Variants in TNKS observed in about 807,000 individuals in gnomAD.
The protein encoded by TNKS is tankyrase.
TNKS carries 72 observed loss-of-function variants against 135.8 expected under a neutral mutation model. That is an observed-to-expected ratio of 0.53 (90% CI 0.44 to 0.64). The LOEUF is 0.64. TNKS is among the 30% of genes least tolerant of loss of function. TNKS has a pLI of 0.00. For missense variants in TNKS, 1,769 were observed against 1,674.0 expected, an observed-to-expected ratio of 1.06 and a Z score of -0.99; for synonymous variants, 849 against 649.3, an observed-to-expected ratio of 1.31 and a Z score of -4.68.
intron 12 of TNKS, among the ~76,000 whole-genome samples, chr8:9,721,440 A>T (rs549671483): frequency 2.0e-5 from 3 of 151,874 alleles, no homozygotes; most frequent in Non-Finnish European, 4.4e-5. Context: ...AATGCAGTCT[A>T]CCTACTGACA....
chr8:9,657,846 G>A (rs1439398373), intron 3 of TNKS, among the ~76,000 whole-genome samples: 1 of 142,384 alleles, frequency 7.0e-6, no homozygotes, highest in Non-Finnish European at 1.6e-5. Context: ...TTCTCAGACG[G>A]GGCAGCTGCC....
chr8:9,606,178 A>G (rs1219727031), intron 2 of TNKS, among the ~76,000 whole-genome samples: 3 of 111,656 alleles, frequency 2.7e-5, no homozygotes, highest in African/African-American at 1.1e-4. Context: ...TTTTCTATAT[A>G]GAGAATCCGT....
chr8:9,667,773 C>T (rs750843026), intron 3 of TNKS, among the ~76,000 whole-genome samples: 1 of 150,142 alleles, frequency 6.7e-6, no homozygotes, highest in Non-Finnish European at 1.5e-5. Flanking sequence ...AAATCTCTTA[C>T]TGTGTTAGAT....
intron 3 of TNKS, among the ~76,000 whole-genome samples, chr8:9,627,718 C>T (rs1216247182): frequency 6.6e-6 from 1 of 151,840 alleles, no homozygotes; most frequent in South Asian, 2.1e-4. Context: ...ATTTTGTTGC[C>T]GTAATCAAGA....
intron 2 of TNKS, among the ~76,000 whole-genome samples, chr8:9,603,256 T>C (rs1400150424): frequency 3.3e-5 from 5 of 152,310 alleles, no homozygotes; most frequent in South Asian, 2.1e-4. Context: ...TTTCACCATG[T>C]TGACCAGGCT....
At chr8:9,732,054 C>T (rs1484146737) in intron 14 of TNKS, among the ~76,000 whole-genome samples, 1 of 152,194 alleles carries the variant, frequency 6.6e-6, no homozygotes, top group East Asian at 1.9e-4. Context: ...TCCCAAAGTG[C>T]TGGGATTACA....
At chr8:9,714,394 GATA>G (rs1804497121) in intron 11 of TNKS, among the ~76,000 whole-genome samples, 1 of 151,670 alleles carries the variant, frequency 6.6e-6, no homozygotes, top group African/African-American at 2.4e-5. Context: ...TTAACACACA[GATA>G]ATGTTTTGGT....
At chr8:9,775,923 C>G (rs1482760496) in intron 26 of TNKS, among the ~76,000 whole-genome samples, 3 of 151,976 alleles carry the variant, frequency 2.0e-5, no homozygotes, top group African/African-American at 7.2e-5. Context: ...TCCTACCTCT[C>G]CTTCCAAATT....
intron 1 of TNKS, among the ~76,000 whole-genome samples, chr8:9,570,568 G>C (rs1011199946): frequency 2.0e-5 from 3 of 152,136 alleles, no homozygotes; most frequent in Non-Finnish European, 1.5e-5. Flanking sequence ...TCACTTGACA[G>C]CCTCCCCCAG....
intron 2 of TNKS, among the ~76,000 whole-genome samples, chr8:9,595,032 T>A (rs968208696): frequency 6.6e-6 from 1 of 152,348 alleles, no homozygotes; most frequent in Admixed American, 6.5e-5. Context: ...TCTGATTCAC[T>A]TGGTTTTGTT....
intron 1 of TNKS, among the ~76,000 whole-genome samples, chr8:9,569,419 A>G (rs28704110): frequency 0.02 from 3,016 of 152,290 alleles, 71 homozygotes; most frequent in African/African-American, 0.06. Context: ...TTACCCCTCT[A>G]ACACTCATAG....
chr8:9,676,164 A>G (rs1802525512), intron 3 of TNKS, among the ~76,000 whole-genome samples: 1 of 151,802 alleles, frequency 6.6e-6, no homozygotes, highest in African/African-American at 2.4e-5. Flanking sequence ...AGCATCCACC[A>G]CCATGCCTGG....
intron 26 of TNKS, among the ~76,000 whole-genome samples, chr8:9,773,128 A>T (rs76204728): frequency 0.012 from 1,815 of 151,956 alleles, 35 homozygotes; most frequent in African/African-American, 0.041. Flanking sequence ...GCTTTTTTTT[A>T]ACTTTTATTC....
chr8:9,731,372 A>C (rs2128817634), intron 14 of TNKS, among the ~76,000 whole-genome samples: 1 of 150,978 alleles, frequency 6.6e-6, no homozygotes, highest in South Asian at 2.1e-4. Flanking sequence ...AGGCAGGAGA[A>C]TCACTTGAAC....
chr8:9,665,872 T>A (rs1304050567), intron 3 of TNKS, among the ~76,000 whole-genome samples: 1 of 152,034 alleles, frequency 6.6e-6, no homozygotes, highest in Non-Finnish European at 1.5e-5. Flanking sequence ...CTCCTCAGAG[T>A]CTACGCACCT....
intron 3 of TNKS, among the ~76,000 whole-genome samples, chr8:9,629,753 G>A (rs1800212114): frequency 6.6e-6 from 1 of 152,212 alleles, no homozygotes; most frequent in African/African-American, 2.4e-5. Flanking sequence ...TGTCATCTCG[G>A]CTCACTGCAA....
At chr8:9,653,523 A>C (rs947435511) in intron 3 of TNKS, among the ~76,000 whole-genome samples, 2 of 151,928 alleles carry the variant, frequency 1.3e-5, no homozygotes, top group African/African-American at 2.4e-5. Context: ...GAGAAGAAGA[A>C]GGGGAAGTGG....
chr8:9,735,398 T>A lies in TNKS; in HGVS notation c.2555T>A (p.Val852Glu). ...HLAAGYNNLE[V>E]AEYLLEHGAD... is the part of the protein sequence containing the mutation. ...ATAGCAGGCTATAATAACCTGGAAG[T>A]AGCTGAATATCTTCTAGAGCATGGA... is the stretch of plus-strand genomic sequence containing the variant. The change falls in exon 17 of 27, where the codon GTA becomes GAA. Residue 852 changes from valine to glutamate, a missense_variant. Physicochemically the swap from Val to Glu is moderately radical, Grantham distance 121. Around this residue, in one of 5 missense-constraint regions of TNKS, gnomAD observed 722 missense variants for 688.9 expected, o/e 1.05. Transcript: ENST00000310430. The A allele has an allele frequency of 6.2e-7, 1 of 1,614,074 alleles. No individual in the cohort carries two copies. The highest frequency in any genetic ancestry group is 8.5e-7 in the Non-Finnish European group (1 of 1,179,994).
chr8:9,637,144 G>C (rs919751278), intron 3 of TNKS, among the ~76,000 whole-genome samples: 2 of 152,142 alleles, frequency 1.3e-5, no homozygotes, highest in African/African-American at 4.8e-5. Flanking sequence ...TCTAGATATG[G>C]GAATTTCTCT....
Sources: allele counts gnomAD v4.1 joint callset (sites outside exome capture counted in the v4.1 genomes callset), GRCh38; gene constraint gnomAD v4.1.1; regional missense constraint gnomAD v4.1.1; transcripts MANE v1.5; gene names NCBI Gene and HGNC (gene_info 2026-07-23, HGNC 2026-07-21).